Variants in RTN4R observed in about 807,000 individuals in gnomAD.
RTN4R encodes the protein reticulon 4 receptor, also known as reticulon-4 receptor.
Under a neutral mutation model 27.7 loss-of-function variants are expected in RTN4R, and 4 were observed. The observed-to-expected ratio is 0.14, with a 90% CI of 0.07 to 0.33. RTN4R has a LOEUF of 0.33. Ranked by LOEUF, RTN4R falls within the 10% of genes least tolerant of loss-of-function variation. The pLI is 1.00. For synonymous variants in RTN4R, 290 were observed against 305.6 expected (o/e 0.95, Z 0.53); for missense variants, 554 against 671.5 (o/e 0.83, Z 1.93).
At chr22:20,263,995 T>C (rs917997990) in intron 1 of RTN4R, among the ~76,000 whole-genome samples, 7 of 131,300 alleles carry the variant, frequency 5.3e-5, no homozygotes, top group African/African-American at 2.0e-4. Flanking sequence ...CACCATCACC[T>C]ACCCGGCCAG....
intron 1 of RTN4R, among the ~76,000 whole-genome samples, chr22:20,264,659 T>A (rs1463693733): frequency 6.6e-6 from 1 of 152,180 alleles, no homozygotes; most frequent in Admixed American, 6.5e-5. Flanking sequence ...CCTGTGACCT[T>A]GGCCTGGGTG....
intron 1 of RTN4R, among the ~76,000 whole-genome samples, chr22:20,261,366 G>A (rs1343186808): frequency 6.6e-6 from 1 of 152,182 alleles, no homozygotes; most frequent in Non-Finnish European, 1.5e-5. Flanking sequence ...GCCAGGAAAG[G>A]GCGTGCAAGG....
chr22:20,258,966 T>C (rs952467214), intron 1 of RTN4R, among the ~76,000 whole-genome samples: 6 of 152,094 alleles, frequency 3.9e-5, no homozygotes, highest in African/African-American at 1.4e-4. Flanking sequence ...GTGGAGGCGC[T>C]GGACCAAGGC....
At chr22:20,260,533 G>T (rs1442093740) in intron 1 of RTN4R, among the ~76,000 whole-genome samples, 1 of 152,168 alleles carries the variant, frequency 6.6e-6, no homozygotes, top group Non-Finnish European at 1.5e-5. Flanking sequence ...CCTTGGGCCA[G>T]CTCCTCAGCC....
At chr22:20,252,300 C>T (rs911095939) in intron 1 of RTN4R, among the ~76,000 whole-genome samples, 2 of 152,306 alleles carry the variant, frequency 1.3e-5, no homozygotes, top group Admixed American at 6.5e-5. Flanking sequence ...AGTACTGGGT[C>T]GACACCAGAT....
At chr22:20,263,029 C>T (rs12170833) in intron 1 of RTN4R, among the ~76,000 whole-genome samples, 1,771 of 152,370 alleles carry the variant, frequency 0.012, 34 homozygotes, top group African/African-American at 0.04. Flanking sequence ...GCCCTGCCCC[C>T]TTCCTTGACG....
At chr22:20,267,183 C>T (rs552258539) in intron 1 of RTN4R, among the ~76,000 whole-genome samples, 6 of 152,224 alleles carry the variant, frequency 3.9e-5, no homozygotes, top group East Asian at 1.9e-4. Flanking sequence ...ACTGGGGCGG[C>T]GTTGGCTTGC....
At chr22:20,267,257 T>G (rs2051283232) in intron 1 of RTN4R, among the ~76,000 whole-genome samples, 1 of 152,194 alleles carries the variant, frequency 6.6e-6, no homozygotes, top group Non-Finnish European at 1.5e-5. Context: ...AGGAAACGTG[T>G]GTGCAGCCTG....
intron 1 of RTN4R, 175 bp from the exon 2 acceptor site, chr22:20,243,285 C>T (rs2051120637): frequency 1.2e-5 from 8 of 690,086 alleles, no homozygotes; most frequent in Admixed American, 8.7e-5. Context: ...CTTCACAGGC[C>T]TCATGGACGA....
intron 1 of RTN4R, among the ~76,000 whole-genome samples, chr22:20,263,791 T>A (rs905429060): frequency 6.6e-6 from 1 of 152,272 alleles, no homozygotes; most frequent in African/African-American, 2.4e-5. Context: ...GTCTGGCTGC[T>A]GTGGGTTGCC....
chr22:20,241,709 G>T lies in RTN4R; in HGVS notation c.*2C>A, dbSNP rs1033820690. On this transcript the variant is annotated 3_prime_UTR_variant, in exon 2 of 2. Coordinates refer to ENST00000043402, the MANE Select transcript of RTN4R (RefSeq NM_023004.6). The stretch of plus-strand genomic sequence containing the variant: ...TGAGCACGCTCTTGTGTCCGCTGGG[G>T]GTCAGCAGGGCCCAAGCACTGTCCA... The T allele has an allele frequency of 6.5e-7, 1 of 1,549,540 alleles. No homozygotes were observed.
At chr22:20,261,910 G>A (rs1162882567) in intron 1 of RTN4R, among the ~76,000 whole-genome samples, 7 of 152,358 alleles carry the variant, frequency 4.6e-5, no homozygotes, top group Admixed American at 2.6e-4. Flanking sequence ...CCCTGAGAAC[G>A]AAGGGGCCAA....
chr22:20,245,657 C>A (rs2051136274), intron 1 of RTN4R, among the ~76,000 whole-genome samples: 1 of 152,190 alleles, frequency 6.6e-6, no homozygotes. Flanking sequence ...GGCCACAAGG[C>A]CTCTCTGGCC....
chr22:20,264,782 C>T (rs2051267765), intron 1 of RTN4R, among the ~76,000 whole-genome samples: 1 of 152,184 alleles, frequency 6.6e-6, no homozygotes, highest in Admixed American at 6.5e-5. Context: ...ACCCTGAGGC[C>T]CAGGCCCTGG....
intron 1 of RTN4R, among the ~76,000 whole-genome samples, chr22:20,260,850 T>C (rs2051242051): frequency 6.6e-6 from 1 of 152,146 alleles, no homozygotes; most frequent in South Asian, 2.1e-4. Context: ...GCAGAGCTCC[T>C]GCTGGAACCC....
intron 1 of RTN4R, among the ~76,000 whole-genome samples, chr22:20,258,151 C>T (rs1937544771): frequency 6.6e-6 from 1 of 152,200 alleles, no homozygotes; most frequent in African/African-American, 2.4e-5. Context: ...AGGAAGTGCT[C>T]TGCTGGCATC....
chr22:20,257,389 G>T (rs2051218148), intron 1 of RTN4R, among the ~76,000 whole-genome samples: 1 of 152,206 alleles, frequency 6.6e-6, no homozygotes, highest in African/African-American at 2.4e-5. Flanking sequence ...GTTAGATAAG[G>T]TCACAAGGCT....
rs527813142 is a variant in RTN4R, at chr22:20,255,684, AT to A, written c.22+12386del. ...CACTGTGATGAAGCCCCACCCCTGG[AT>A]TCCCCTTACCCCTGCCCGCTCCTGT... On this transcript the variant is annotated intron_variant, in intron 1 of 1. Transcript: ENST00000043402. The surrounding 1 kb of genome is among the most constrained non-coding windows in gnomAD (Gnocchi z 4.8). Among the ~76,000 whole-genome samples, 39 of 141,956 alleles carry A rather than the reference AT, an allele frequency of 2.7e-4. No homozygotes were observed. Among genetic ancestry groups the A allele is most frequent in the Non-Finnish European group, 4.8e-4 (31 of 64,544 alleles). The allele number at this position is 141,956 out of a possible 152,430, so 93.1% of individuals were successfully genotyped here.
Position 20,242,863 on chromosome 22 carries a change from C to T in RTN4R, c.270G>A (p.Ser90=), listed in dbSNP as rs199740833. ...CCGCATCAATTCGGGCCAGCACATTCGAGTGCAGCCACAGGATGGTGAGGT... is the reference window on the plus strand; with the variant it reads ...CCGCATCAATTCGGGCCAGCACATTTGAGTGCAGCCACAGGATGGTGAGGT... ...CRNLTILWLH[S]NVLARIDAAA... is the part of the protein sequence containing the mutation. Residue 90 remains serine, a synonymous_variant, in exon 2 of 2, where the codon TCG becomes TCA. Transcript: ENST00000043402. 116 of 1,613,052 alleles carry T rather than the reference C, an allele frequency of 7.2e-5. No individual in the cohort carries two copies. The highest frequency in any genetic ancestry group is 7.1e-4 in the East Asian group (32 of 44,868).
Sources: allele counts gnomAD v4.1 joint callset (sites outside exome capture counted in the v4.1 genomes callset), GRCh38; gene constraint gnomAD v4.1.1; non-coding constraint Gnocchi (gnomAD v3.1); transcripts MANE v1.5; gene names NCBI Gene and HGNC (gene_info 2026-07-23, HGNC 2026-07-21).